Variants in ACBD6 observed in about 807,000 individuals in gnomAD.
ACBD6 encodes acyl-CoA-binding domain-containing protein 6.
In ACBD6, 28 loss-of-function variants were observed where a neutral mutation model predicts 37.2. That is an observed-to-expected ratio of 0.75 (90% CI 0.56 to 1.03). The LOEUF is 1.03. Among genes scored for constraint, ACBD6 ranks in the 50% least tolerant of loss-of-function variants. The probability of loss-of-function intolerance (pLI) is 0.00; values close to 1 mark genes in which losing one functional copy is unlikely to be tolerated. For synonymous variants in ACBD6, 113 were observed against 126.8 expected, an observed-to-expected ratio of 0.89 and a Z score of 0.73; for missense variants, 340 against 337.4, an observed-to-expected ratio of 1.01 and a Z score of -0.06.
chr1:180,407,377 G>A (rs1195734676), intron 5 of ACBD6, among the ~76,000 whole-genome samples: 2 of 152,202 alleles, frequency 1.3e-5, no homozygotes, highest in Non-Finnish European at 2.9e-5. Flanking sequence ...CAAAATGGCA[G>A]AAACAATACA....
At chr1:180,443,607 G>GT (rs544614751) in intron 3 of ACBD6, among the ~76,000 whole-genome samples, 38 of 151,406 alleles carry the variant, frequency 2.5e-4, no homozygotes, top group Non-Finnish European at 4.1e-4. Context: ...GGCACAGCTT[G>GT]TTTTTTTTGT....
intron 6 of ACBD6, among the ~76,000 whole-genome samples, chr1:180,371,724 A>C (rs1250234354): frequency 2.6e-5 from 4 of 152,152 alleles, no homozygotes; most frequent in Non-Finnish European, 4.4e-5. Flanking sequence ...TTCATAGAGA[A>C]GAAAACCACT....
At chr1:180,455,189 C>T (rs1649869633) in intron 3 of ACBD6, among the ~76,000 whole-genome samples, 1 of 151,790 alleles carries the variant, frequency 6.6e-6, no homozygotes, top group South Asian at 2.1e-4. Flanking sequence ...ATTATGCAGC[C>T]ATAAAAAAAG....
downstream of ACBD6, among the ~76,000 whole-genome samples, chr1:180,286,712 A>G (rs183713463): frequency 9.7e-3 from 1,454 of 149,770 alleles, 32 homozygotes; most frequent in African/African-American, 0.034. Flanking sequence ...TCCACAGATT[A>G]ATTAAATTAT....
intron 6 of ACBD6, among the ~76,000 whole-genome samples, chr1:180,327,462 T>A (rs565285295): frequency 6.6e-6 from 1 of 152,324 alleles, no homozygotes; most frequent in African/African-American, 2.4e-5. Flanking sequence ...TTTAATAATA[T>A]GAAGTTAAAA....
chr1:180,345,915 C>T (rs531560857), intron 6 of ACBD6, among the ~76,000 whole-genome samples: 4 of 151,796 alleles, frequency 2.6e-5, no homozygotes, highest in African/African-American at 9.7e-5. Flanking sequence ...ATTTTTAAAA[C>T]CTTGAAATTT....
downstream of ACBD6, chr1:180,288,141 GATT>G (rs1000026659): frequency 3.3e-5 from 18 of 549,542 alleles, no homozygotes; most frequent in African/African-American, 5.7e-5. Context: ...AGCAGAATTG[GATT>G]ATATTATGCA....
chr1:180,392,599 A>G (rs1342435123), intron 6 of ACBD6, among the ~76,000 whole-genome samples: 3 of 152,264 alleles, frequency 2.0e-5, no homozygotes, highest in African/African-American at 7.2e-5. Context: ...ATATATGCAC[A>G]TTATGGCATT....
intron 6 of ACBD6, among the ~76,000 whole-genome samples, chr1:180,320,990 G>A (rs1651048577): frequency 6.6e-6 from 1 of 152,152 alleles, no homozygotes; most frequent in Non-Finnish European, 1.5e-5. Flanking sequence ...CAGGGGTCTA[G>A]TTTCATTCTT....
chr1:180,363,434 A>C (rs1423423163), intron 6 of ACBD6, among the ~76,000 whole-genome samples: 2 of 152,180 alleles, frequency 1.3e-5, no homozygotes, highest in African/African-American at 4.8e-5. Flanking sequence ...AAAGTATGGA[A>C]ATTTTTCATG....
chr1:180,302,105 C>T (rs1459172772), intron 7 of ACBD6, among the ~76,000 whole-genome samples: 1 of 151,746 alleles, frequency 6.6e-6, no homozygotes, highest in East Asian at 1.9e-4. Flanking sequence ...TTAATGGCTG[C>T]AGCACACAAA....
At chr1:180,464,218 G>T (rs1571545238) in intron 3 of ACBD6, among the ~76,000 whole-genome samples, 1 of 151,966 alleles carries the variant, frequency 6.6e-6, no homozygotes, top group Non-Finnish European at 1.5e-5. Flanking sequence ...AGAAAGAAAG[G>T]GCATTCAAAT....
chr1:180,304,626 A>T (rs962947845), intron 7 of ACBD6, among the ~76,000 whole-genome samples: 1 of 150,890 alleles, frequency 6.6e-6, no homozygotes, highest in Non-Finnish European at 1.5e-5. Flanking sequence ...ATGGAAGAAC[A>T]TTCCATGCTC....
intron 3 of ACBD6, among the ~76,000 whole-genome samples, chr1:180,476,572 T>C (rs1160577933): frequency 3.9e-5 from 6 of 152,150 alleles, no homozygotes; most frequent in African/African-American, 7.2e-5. Context: ...ACGCCTATAA[T>C]CCCAGCACTT....
chr1:180,387,728 G>C (rs1653899553), intron 6 of ACBD6, among the ~76,000 whole-genome samples: 1 of 13,898 alleles, frequency 7.2e-5, no homozygotes, highest in East Asian at 5.5e-3. Flanking sequence ...GGCTGGGGTA[G>C]GGTGGTATTG....
chr1:180,442,199 T>C (rs1193140618), intron 3 of ACBD6, among the ~76,000 whole-genome samples: 5 of 152,250 alleles, frequency 3.3e-5, no homozygotes, highest in South Asian at 4.1e-4. Flanking sequence ...CAATTTGTTA[T>C]GTATTGTATG....
chr1:180,366,926 G>C (rs1226743004), intron 6 of ACBD6, among the ~76,000 whole-genome samples: 4 of 152,204 alleles, frequency 2.6e-5, no homozygotes, highest in Non-Finnish European at 5.9e-5. Flanking sequence ...GGTGGAATCT[G>C]CAGTGAAAAT....
rs150236928 is a variant in ACBD6, at chr1:180,377,043, T to C, written c.663+20473A>G. 4.7e-3 allele frequency among the ~76,000 whole-genome samples: 722 copies of C among 152,282 alleles called. 5 individuals carry two copies. The highest frequency in any genetic ancestry group is 5.5e-3 in the Non-Finnish European group (371 of 68,020). Reference sequence around the variant, plus strand: ...TGAAATATACATAAATGTTTTAACATAGTTAGTAAATGTTTCACACAGAGG... The same window carrying C: ...TGAAATATACATAAATGTTTTAACACAGTTAGTAAATGTTTCACACAGAGG... On this transcript the variant is annotated intron_variant, in intron 6 of 7. Transcript: ENST00000367595.
chr1:180,434,179 G>T (rs769390201), intron 3 of ACBD6, among the ~76,000 whole-genome samples: 2 of 151,378 alleles, frequency 1.3e-5, no homozygotes, highest in Non-Finnish European at 1.5e-5. Flanking sequence ...TTAGCATTCA[G>T]GAACAACTGA....
Sources: gnomAD v4.1 joint callset for allele counts (sites outside exome capture counted in the v4.1 genomes callset) on GRCh38, gnomAD v4.1.1 for gene constraint, MANE v1.5 for transcripts, NCBI Gene and HGNC (gene_info 2026-07-23, HGNC 2026-07-21) for gene names.